KCNT1: variants seen among roughly 807,000 people sequenced by gnomAD.
KCNT1 encodes potassium sodium-activated channel subfamily T member 1.
Under a neutral mutation model 147.8 loss-of-function variants are expected in KCNT1, and 78 were observed. The observed-to-expected ratio is 0.53, with a 90% CI of 0.44 to 0.64. The LOEUF is 0.64. Ranked by LOEUF, KCNT1 falls within the 30% of genes least tolerant of loss-of-function variation. KCNT1 has a pLI of 0.00. For missense variants in KCNT1, 1,419 were observed against 1,750.3 expected, an observed-to-expected ratio of 0.81 and a Z score of 3.38; for synonymous variants, 867 against 748.8, an observed-to-expected ratio of 1.16 and a Z score of -2.58.
intron 4 of KCNT1, 162 bp from the exon 5 acceptor site, chr9:135,753,775 C>A: frequency 1.5e-6 from 1 of 678,560 alleles, no homozygotes; most frequent in South Asian, 1.7e-5. Context: ...AGGGGGCAGG[C>A]TGCCTTGTCT....
At chr9:135,785,604 C>G in intron 28 of KCNT1, 1 of 601,052 alleles carries the variant, frequency 1.7e-6, no homozygotes. Flanking sequence ...CCCTCCCAGG[C>G]CCCACCAAGG....
intron 10 of KCNT1, among the ~76,000 whole-genome samples, chr9:135,759,471 G>A (rs1381198333): frequency 6.6e-6 from 1 of 152,250 alleles, no homozygotes; most frequent in Non-Finnish European, 1.5e-5. Flanking sequence ...CCAGCGTCAG[G>A]CAGGAGGTGG....
In KCNT1 at chr9:135,720,819, C is replaced by T. The variant is rs139788452; in HGVS notation, c.254+6099C>T. Among the ~76,000 whole-genome samples, 796 of 152,322 alleles carry T rather than the reference C, an allele frequency of 5.2e-3. 4 individuals carry two copies. Among genetic ancestry groups the T allele is most frequent in the Middle Eastern group, 0.034 (10 of 294 alleles). On this transcript the variant is annotated intron_variant, in intron 2 of 30. Transcript: ENST00000371757. ...CCTAGGGCACAGGTCAGCTCTCCTT[C>T]GGGGGTGCTCTGGGGAAGCTAGGGC...
rs754697766 is a variant in KCNT1 at position 135,702,312 on chromosome 9, C to G, written c.54C>G (p.Arg18=). The part of the protein sequence containing the change: ...RTPGGVCREA[R]GGGYTNRTFE... Reference sequence around the variant, plus strand: ...CGGGGGGCGTCTGCCGGGAGGCGCGCGGCGGGGGCTACACCAACCGGACCT... The same window carrying G: ...CGGGGGGCGTCTGCCGGGAGGCGCGGGGCGGGGGCTACACCAACCGGACCT... The change falls in exon 1 of 31, where the codon CGC becomes CGG. Residue 18 remains arginine, a synonymous_variant. Transcript: ENST00000371757. 19 of 1,610,554 alleles carry G rather than the reference C, an allele frequency of 1.2e-5. No individual in the cohort carries two copies. Among genetic ancestry groups the G allele is most frequent in the Non-Finnish European group, 1.6e-5 (19 of 1,178,866 alleles).
chr9:135,710,717 T>G (rs1258753434), intron 1 of KCNT1, among the ~76,000 whole-genome samples: 2 of 152,226 alleles, frequency 1.3e-5, no homozygotes, highest in Non-Finnish European at 2.9e-5. Context: ...TCTGTTCCTT[T>G]TCACAACTGC....
rs1564393708 is a variant in KCNT1 at position 135,786,185 on chromosome 9, T to TGCCCA, written c.3178-8_3178-7insAGCCC. ...CACCCCTCCCCGCCCTGCCCTGCCC[T>TGCCCA]GCCCTGCCCAGTCCCAGATCTCGGT... On this transcript the variant is annotated splice_polypyrimidine_tract_variant and intron_variant, in intron 28 of 30. Transcript: ENST00000371757. The TGCCCA allele has an allele frequency of 1.6e-6, 2 of 1,267,014 alleles. No individual in the cohort carries two copies. Among genetic ancestry groups the TGCCCA allele is most frequent in the Non-Finnish European group, 2.3e-6 (2 of 880,478 alleles). The allele number at this position is 1,267,014 out of a possible 1,614,324, so 78.5% of individuals were successfully genotyped here. A position where few individuals can be genotyped will look rare whatever the true frequency, so the allele number is the denominator to read the frequency against.
rs142487078 is a variant in KCNT1 at position 135,752,234 on chromosome 9, AGCCTG to A, written c.434+1196_434+1200del. 1.1e-4 allele frequency: 42 copies of A among 391,950 alleles called. No individual in the cohort carries two copies. The highest frequency in any genetic ancestry group is 7.7e-4 in the African/African-American group (37 of 47,776). 24.3% of individuals were successfully genotyped at this position (391,950 alleles called of 1,614,324 possible). On this transcript the variant is annotated intron_variant, in intron 4 of 30. Transcript: ENST00000371757. This position sits in a 1 kb window ranked among gnomAD's most constrained non-coding sequence, Gnocchi z 5.1. ...CTGGAGAGAAGGCCTGACTGCCGGG[AGCCTG>A]GCTTCTGGGGACCTAAAGGCGTCCA...
At position 135,752,144 on chromosome 9, in the gene KCNT1, A is replaced by G. The variant is rs1051405260; in HGVS notation, c.434+1103A>G. ...GTGTGTGGTGTGGTTGTCACCATCC[A>G]GCCATCGGGGTGAACCCTGCCAGCA... On this transcript the variant is annotated intron_variant, in intron 4 of 30. Coordinates refer to ENST00000371757, the MANE Select transcript of KCNT1 (RefSeq NM_020822.3). The surrounding 1 kb of genome is among the most constrained non-coding windows in gnomAD (Gnocchi z 5.1). 1 of 339,134 alleles carries G rather than the reference A, an allele frequency of 2.9e-6. No homozygotes were observed. Among genetic ancestry groups the G allele is most frequent in the Non-Finnish European group, 5.8e-6 (1 of 171,234 alleles). The allele number at this position is 339,134 out of a possible 1,614,324, so 21.0% of individuals were successfully genotyped here. A position where few individuals can be genotyped will look rare whatever the true frequency, so the allele number is the denominator to read the frequency against.
intron 2 of KCNT1, among the ~76,000 whole-genome samples, chr9:135,728,272 C>T (rs1241985234): frequency 6.6e-6 from 1 of 152,226 alleles, no homozygotes; most frequent in Admixed American, 6.5e-5. Flanking sequence ...ACTGTTGCTT[C>T]AAGCCCCCCG....
chr9:135,751,257 A>G (rs1831147673), intron 4 of KCNT1, among the ~76,000 whole-genome samples: 3 of 151,946 alleles, frequency 2.0e-5, no homozygotes, highest in African/African-American at 7.3e-5. Flanking sequence ...AAGGGTCCCC[A>G]TCGTAGACTT....
chr9:135,703,975 G>A (rs1019903724), intron 1 of KCNT1, among the ~76,000 whole-genome samples: 2 of 152,382 alleles, frequency 1.3e-5, no homozygotes, highest in Non-Finnish European at 2.9e-5. Flanking sequence ...GTGGAGGGAT[G>A]TCAGGCGTCA....
chr9:135,723,832 C>T (rs1836021989), intron 2 of KCNT1, among the ~76,000 whole-genome samples: 1 of 152,198 alleles, frequency 6.6e-6, no homozygotes, highest in African/African-American at 2.4e-5. Context: ...TCCGGCTGCC[C>T]CCAGCCCAGC....
chr9:135,754,589 C>G (rs952713074), intron 5 of KCNT1, among the ~76,000 whole-genome samples: 2 of 152,220 alleles, frequency 1.3e-5, no homozygotes, highest in African/African-American at 4.8e-5. Flanking sequence ...CCGCATCAGG[C>G]AAGGAGCAGA....
At chr9:135,770,539 T>A in intron 17 of KCNT1, 92 bp downstream of exon 17, 1 of 1,484,126 alleles carries the variant, frequency 6.7e-7, no homozygotes, top group Non-Finnish European at 9.1e-7. Context: ...GGGGTGGCCC[T>A]GGGGCGGGGC....
rs1185097175 is a variant in KCNT1, at chr9:135,793,631, C to T, written c.*1470C>T. 1.3e-5 allele frequency: 2 copies of T among 152,398 alleles called. No homozygotes were observed. The highest frequency in any genetic ancestry group is 4.8e-5 in the African/African-American group (2 of 41,458). The allele number at this position is 152,398 out of a possible 1,614,324, so 9.4% of individuals were successfully genotyped here. A position where few individuals can be genotyped will look rare whatever the true frequency, so the allele number is the denominator to read the frequency against. The stretch of plus-strand genomic sequence containing the variant: ...ACCAAAAGGCCGAGGTGCAGCCCCT[C>T]CCCGGTGTCAGGGCAGACAACACAG... On this transcript the variant is annotated 3_prime_UTR_variant, in exon 31 of 31. Transcript: ENST00000371757.
At chr9:135,703,314 A>G (rs1221871839) in intron 1 of KCNT1, among the ~76,000 whole-genome samples, 1 of 152,152 alleles carries the variant, frequency 6.6e-6, no homozygotes, top group African/African-American at 2.4e-5. Context: ...GGAAGAGCAT[A>G]CCTGAGAGCG....
At chr9:135,769,402 TCA>T (rs1237057231) in intron 15 of KCNT1, among the ~76,000 whole-genome samples, 1 of 152,108 alleles carries the variant, frequency 6.6e-6, no homozygotes, top group African/African-American at 2.4e-5. Context: ...CTGGAGCTCC[TCA>T]CACAAGCACA....
At chr9:135,757,841 T>A (rs569927835) in intron 9 of KCNT1, among the ~76,000 whole-genome samples, 1 of 152,214 alleles carries the variant, frequency 6.6e-6, no homozygotes, top group Non-Finnish European at 1.5e-5. Flanking sequence ...CAGCAGTCAG[T>A]TCCCTAGGCG....
In KCNT1 at chr9:135,768,927, C is replaced by G; in HGVS notation, c.1500C>G (p.Val500=). 1.2e-6 allele frequency: 2 copies of G among 1,612,606 alleles called. No homozygotes were observed. The highest frequency in any genetic ancestry group is 1.7e-6 in the Non-Finnish European group (2 of 1,179,518). Residue 500 remains valine, a synonymous_variant, in exon 15 of 31, where the codon GTC becomes GTG. Transcript: ENST00000371757. ...QILKPENKFH[V]KFADHVVCEE... ...TCAAACCTGAAAACAAGTTTCACGT[C>G]AAGTTTGCTGGTGCGTCTGGGGCAC...
Sources: allele counts gnomAD v4.1 joint callset (sites outside exome capture counted in the v4.1 genomes callset), GRCh38; gene constraint gnomAD v4.1.1; non-coding constraint Gnocchi (gnomAD v3.1); transcripts MANE v1.5; gene names NCBI Gene and HGNC (gene_info 2026-07-23, HGNC 2026-07-21).